The following PLAAT3 variants were observed in gnomAD, a reference collection of about 807,000 sequenced individuals.
The protein encoded by PLAAT3 is phospholipase A and acyltransferase 3.
In PLAAT3, 21 loss-of-function variants were observed where a neutral mutation model predicts 16.7. The ratio of observed to expected loss-of-function variants is 1.26; its 90% CI spans 0.89 to 1.81. PLAAT3 has a LOEUF of 1.81. PLAAT3 is among the 40% of genes most tolerant of loss of function. PLAAT3 has a pLI of 0.00. For missense variants in PLAAT3, 219 were observed against 213.7 expected (o/e 1.02, Z -0.16); for synonymous variants, 76 against 81.7 (o/e 0.93, Z 0.38).
At chr11:63,597,108 A>G (rs1938306258) in intron 3 of PLAAT3, among the ~76,000 whole-genome samples, 2 of 151,344 alleles carry the variant, frequency 1.3e-5, no homozygotes, top group African/African-American at 4.8e-5. Context: ...AAAAAAAAAA[A>G]GTGTGGCACT....
chr11:63,615,210 ATATATATGTG>A (rs1480046189), upstream of PLAAT3, among the ~76,000 whole-genome samples: 81 of 30,824 alleles, frequency 2.6e-3, 16 homozygotes, highest in African/African-American at 7.4e-3. Flanking sequence ...ATATGTGTGT[ATATATATGTG>A]TATATATGTG....
chr11:63,601,990 A>AAC (rs1248815123), intron 2 of PLAAT3, among the ~76,000 whole-genome samples: 4 of 149,712 alleles, frequency 2.7e-5, no homozygotes, highest in Non-Finnish European at 4.4e-5. Context: ...CAAAAAAAAA[A>AAC]AAAAAAACAA....
chr11:63,590,054 G>C, intron 4 of PLAAT3, 46 bp downstream of exon 4: 2 of 1,586,638 alleles, frequency 1.3e-6, no homozygotes, highest in Non-Finnish European at 1.7e-6. Context: ...GTCAGCAGAG[G>C]GAATGGTCTG....
chr11:63,583,065 G>T (rs1165436457), intron 4 of PLAAT3, among the ~76,000 whole-genome samples: 1 of 151,582 alleles, frequency 6.6e-6, no homozygotes. Context: ...GGGAGGCGGA[G>T]GTTGCAGTGA....
intron 2 of PLAAT3, among the ~76,000 whole-genome samples, chr11:63,604,858 G>A (rs1938517603): frequency 1.3e-5 from 2 of 152,132 alleles, no homozygotes; most frequent in Non-Finnish European, 2.9e-5. Context: ...AGAATCAGTG[G>A]TAATCCATAC....
chr11:63,596,469 G>C (rs946885581), intron 3 of PLAAT3, among the ~76,000 whole-genome samples: 14 of 151,816 alleles, frequency 9.2e-5, no homozygotes, highest in Admixed American at 1.3e-4. Context: ...GACATTTATT[G>C]TGTACTTTAT....
chr11:63,580,349 T>A (rs1197852974), intron 4 of PLAAT3, among the ~76,000 whole-genome samples: 1 of 152,184 alleles, frequency 6.6e-6, no homozygotes, highest in Non-Finnish European at 1.5e-5. Flanking sequence ...TGCTAATCAA[T>A]TTACCTTAAA....
chr11:63,576,088 G>A (rs2017655496), intron 4 of PLAAT3, among the ~76,000 whole-genome samples: 2 of 152,164 alleles, frequency 1.3e-5, no homozygotes, highest in South Asian at 4.1e-4. Context: ...TCTGTTCCCA[G>A]AACTTTACGC....
At chr11:63,584,876 C>G (rs1937924303) in intron 4 of PLAAT3, among the ~76,000 whole-genome samples, 1 of 152,078 alleles carries the variant, frequency 6.6e-6, no homozygotes. Context: ...AATGACTGGT[C>G]AGATTCTTTA....
chr11:63,615,028 G>GTATGTATATATGTATATA (rs1565259459), upstream of PLAAT3, among the ~76,000 whole-genome samples: 7 of 32,496 alleles, frequency 2.2e-4, 2 homozygotes, highest in South Asian at 5.7e-3. Context: ...ATATATATAT[G>GTATGTATATATGTATATA]TGTGTATATA....
intron 3 of PLAAT3, among the ~76,000 whole-genome samples, chr11:63,597,352 G>A (rs527937878): frequency 8.6e-5 from 13 of 151,936 alleles, no homozygotes; most frequent in East Asian, 5.8e-4. Context: ...GTGAAACCCC[G>A]TCTCTACTAA....
At chr11:63,585,200 T>C (rs1937939582) in intron 4 of PLAAT3, among the ~76,000 whole-genome samples, 1 of 152,106 alleles carries the variant, frequency 6.6e-6, no homozygotes, top group Non-Finnish European at 1.5e-5. Context: ...AATTTTTGTA[T>C]TTTTAGTAGA....
chr11:63,575,091 G>A, intron 4 of PLAAT3, 45 bp from the exon 5 acceptor site: 1 of 1,298,038 alleles, frequency 7.7e-7, no homozygotes, highest in Non-Finnish European at 1.1e-6. Context: ...TCAGGATCCA[G>A]AGTACAGGCT....
At position 63,614,425 on chromosome 11, in the gene PLAAT3, A is replaced by AC. The variant is rs1402297039; in HGVS notation, c.-96dup. ...GCAGCGCTGCAGCCCCAGCAATTGG[A>AC]CCGGGTCTAATGGCCGCGGTGGCCG... On this transcript the variant is annotated 5_prime_UTR_variant, in exon 1 of 5. Coordinates refer to ENST00000415826, the MANE Select transcript of PLAAT3 (RefSeq NM_001128203.2). 1 of 186,184 alleles carries AC rather than the reference A, an allele frequency of 5.4e-6. No homozygotes were observed. The highest frequency in any genetic ancestry group is 2.3e-5 in the African/African-American group (1 of 42,608). The allele number at this position is 186,184 out of a possible 1,614,324, so 11.5% of individuals were successfully genotyped here. A position where few individuals can be genotyped will look rare whatever the true frequency, so the allele number is the denominator to read the frequency against.
chr11:63,590,434 GC>G, intron 3 of PLAAT3, 66 bp from the exon 4 acceptor site: 4 of 1,478,512 alleles, frequency 2.7e-6, no homozygotes, highest in Non-Finnish European at 9.3e-7. Context: ...CTCAGAGCTG[GC>G]CCCCAGCCGG....
chr11:63,587,159 A>G (rs756931223), intron 4 of PLAAT3, among the ~76,000 whole-genome samples: 1 of 152,228 alleles, frequency 6.6e-6, no homozygotes, highest in Non-Finnish European at 1.5e-5. Flanking sequence ...TAGGGATCCA[A>G]TAGCCTAATA....
intron 4 of PLAAT3, among the ~76,000 whole-genome samples, 176 bp from the exon 5 acceptor site, chr11:63,575,222 G>A (rs1415444511): frequency 6.6e-6 from 1 of 152,250 alleles, no homozygotes; most frequent in Non-Finnish European, 1.5e-5. Flanking sequence ...GACGGGAAAA[G>A]AATTCGTGGC....
chr11:63,583,815 GCAAA>G (rs1937888784), intron 4 of PLAAT3, among the ~76,000 whole-genome samples: 1 of 151,988 alleles, frequency 6.6e-6, no homozygotes, highest in Non-Finnish European at 1.5e-5. Context: ...TTTTAAGTGG[GCAAA>G]CAAATTCTGC....
upstream of PLAAT3, among the ~76,000 whole-genome samples, chr11:63,615,092 A>G (rs868768957): frequency 2.9e-4 from 24 of 82,260 alleles, no homozygotes; most frequent in African/African-American, 8.1e-4. Flanking sequence ...ATATATGTGT[A>G]TATATGTGTA....
Sources: allele counts gnomAD v4.1 joint callset (sites outside exome capture counted in the v4.1 genomes callset), GRCh38; gene constraint gnomAD v4.1.1; transcripts MANE v1.5; gene names NCBI Gene and HGNC (gene_info 2026-07-23, HGNC 2026-07-21).